Variants in DCDC2 observed in about 807,000 individuals in gnomAD.
DCDC2 encodes the protein doublecortin domain-containing protein 2.
DCDC2 carries 40 observed loss-of-function variants against 50.2 expected under a neutral mutation model. That is an observed-to-expected ratio of 0.80 (90% CI 0.62 to 1.04). The LOEUF (loss-of-function observed/expected upper bound fraction) is 1.04. Ranked by LOEUF, DCDC2 falls within the 50% of genes least tolerant of loss-of-function variation. DCDC2 has a pLI of 0.00. For synonymous variants in DCDC2, 234 were observed against 210.6 expected, an observed-to-expected ratio of 1.11 and a Z score of -0.96; for missense variants, 570 against 581.9, an observed-to-expected ratio of 0.98 and a Z score of 0.21.
At chr6:24,212,094 C>A (rs147541599) in intron 7 of DCDC2, among the ~76,000 whole-genome samples, 1 of 152,096 alleles carries the variant, frequency 6.6e-6, no homozygotes, top group Admixed American at 6.5e-5. Context: ...GGAGCACAAA[C>A]CGTATTGTGA....
At chr6:24,224,332 G>C (rs753055255) in intron 7 of DCDC2, among the ~76,000 whole-genome samples, 3 of 152,146 alleles carry the variant, frequency 2.0e-5, no homozygotes, top group Non-Finnish European at 4.4e-5. Context: ...AGAGCCCTGC[G>C]CTTCAAAAGG....
At chr6:24,328,735 T>C (rs1342365187) in intron 2 of DCDC2, among the ~76,000 whole-genome samples, 1 of 152,204 alleles carries the variant, frequency 6.6e-6, no homozygotes, top group Non-Finnish European at 1.5e-5. Flanking sequence ...TATCATGCAA[T>C]ATTAATTGCA....
At chr6:24,183,113 A>C (rs1321835466) in intron 8 of DCDC2, among the ~76,000 whole-genome samples, 1 of 152,200 alleles carries the variant, frequency 6.6e-6, no homozygotes, top group Non-Finnish European at 1.5e-5. Context: ...CAGAGAGTAG[A>C]ATGCTGATTG....
intron 7 of DCDC2, among the ~76,000 whole-genome samples, chr6:24,253,255 T>TA (rs1368746744): frequency 2.6e-5 from 4 of 151,970 alleles, no homozygotes; most frequent in Non-Finnish European, 5.9e-5. Context: ...AAACTAATTA[T>TA]AAAAAAAGAA....
Position 24,174,715 on chromosome 6 carries a change from CTT to C in DCDC2, c.*13_*14del. On this transcript the variant is annotated 3_prime_UTR_variant, in exon 10 of 10. Coordinates refer to ENST00000378454, the MANE Select transcript of DCDC2 (RefSeq NM_016356.5). ...ATTTTTCTTGCGATCCATATACTCT[CTT>C]TTTAAAAATGTTCTAAGCCACGGCA... 1 of 1,580,210 alleles carries C rather than the reference CTT, an allele frequency of 6.3e-7. No homozygotes were observed. The highest frequency in any genetic ancestry group is 1.1e-5 in the South Asian group (1 of 90,136).
chr6:24,183,943 G>A (rs1446782580), intron 8 of DCDC2, among the ~76,000 whole-genome samples: 1 of 152,202 alleles, frequency 6.6e-6, no homozygotes, highest in African/African-American at 2.4e-5. Context: ...GGTGAGAAAG[G>A]CGGGGCAAAT....
At chr6:24,299,158 G>C (rs946963137) in intron 4 of DCDC2, among the ~76,000 whole-genome samples, 2 of 152,208 alleles carry the variant, frequency 1.3e-5, no homozygotes, top group Non-Finnish European at 2.9e-5. Flanking sequence ...TACGCAGCCA[G>C]GAAAATACTG....
chr6:24,284,174 T>A (rs746306717), intron 6 of DCDC2, among the ~76,000 whole-genome samples: 5 of 152,134 alleles, frequency 3.3e-5, no homozygotes, highest in Non-Finnish European at 5.9e-5. Flanking sequence ...AAAGAAGAGT[T>A]ATAATAGATG....
At chr6:24,235,010 A>T (rs1028025313) in intron 7 of DCDC2, among the ~76,000 whole-genome samples, 1 of 152,236 alleles carries the variant, frequency 6.6e-6, no homozygotes, top group African/African-American at 2.4e-5. Flanking sequence ...ACAAAATTCA[A>T]TTTAATAGGA....
chr6:24,310,387 C>T (rs909181928), intron 2 of DCDC2, among the ~76,000 whole-genome samples: 1 of 152,142 alleles, frequency 6.6e-6, no homozygotes, highest in South Asian at 2.1e-4. Context: ...ATACTAACTG[C>T]ATAACTGGAT....
At chr6:24,176,145 T>C (rs977622600) in intron 9 of DCDC2, among the ~76,000 whole-genome samples, 2 of 151,788 alleles carry the variant, frequency 1.3e-5, no homozygotes, top group East Asian at 3.9e-4. Context: ...AAAAAATATG[T>C]ATATATGGCC....
intron 2 of DCDC2, among the ~76,000 whole-genome samples, chr6:24,315,694 G>T (rs1759647996): frequency 6.6e-6 from 1 of 152,194 alleles, no homozygotes; most frequent in African/African-American, 2.4e-5. Flanking sequence ...TAGCTGGAGT[G>T]CAGTAGGGAG....
At chr6:24,358,914 A>ATTTATTATATATAT (rs1760557270), upstream of DCDC2, among the ~76,000 whole-genome samples, 1 of 35,978 alleles carries the variant, frequency 2.8e-5, no homozygotes, top group Non-Finnish European at 4.5e-5. Context: ...ATTATATATT[A>ATTTATTATATATAT]TATATATTAT....
intron 7 of DCDC2, among the ~76,000 whole-genome samples, chr6:24,250,401 T>A (rs1229022594): frequency 6.6e-6 from 1 of 152,210 alleles, no homozygotes; most frequent in Non-Finnish European, 1.5e-5. Flanking sequence ...AACAGAGCAC[T>A]AGGGTGGGCC....
chr6:24,302,074 C>G, intron 2 of DCDC2, 30 bp from the exon 3 acceptor site: 1 of 1,581,652 alleles, frequency 6.3e-7, no homozygotes, highest in Non-Finnish European at 8.6e-7. Flanking sequence ...AAAATATAAA[C>G]CACTAAGCTT....
intron 7 of DCDC2, among the ~76,000 whole-genome samples, chr6:24,247,369 T>C (rs939961096): frequency 6.6e-6 from 1 of 151,892 alleles, no homozygotes; most frequent in Non-Finnish European, 1.5e-5. Flanking sequence ...CAAATACCCA[T>C]AACTTGGGGG....
At chr6:24,200,215 C>T (rs1761553527) in intron 8 of DCDC2, among the ~76,000 whole-genome samples, 1 of 152,138 alleles carries the variant, frequency 6.6e-6, no homozygotes, top group African/African-American at 2.4e-5. Context: ...TTGTCAGATT[C>T]ACCAAGGTTG....
In DCDC2 at chr6:24,324,693, G is replaced by A. The variant is rs565098489; in HGVS notation, c.349-22649C>T. On this transcript the variant is annotated intron_variant, in intron 2 of 9. Transcript: ENST00000378454. ...GAGGATAGGAATTCAAAAACAGCCCGAATAATATAGTAGACCCTATCTCTA... is the reference window on the plus strand; with the variant it reads ...GAGGATAGGAATTCAAAAACAGCCCAAATAATATAGTAGACCCTATCTCTA... Among the ~76,000 whole-genome samples the A allele has an allele frequency of 2.9e-4, 44 of 152,010 alleles. 1 individual carries two copies. The highest frequency in any genetic ancestry group is 2.8e-4 in the Non-Finnish European group (19 of 68,010).
chr6:24,253,479 C>T (rs1401126759), intron 7 of DCDC2, among the ~76,000 whole-genome samples: 1 of 152,072 alleles, frequency 6.6e-6, no homozygotes, highest in Non-Finnish European at 1.5e-5. Context: ...CTGAGAAATG[C>T]ATTGTTAGGC....
Sources: gnomAD v4.1 joint callset for allele counts (sites outside exome capture counted in the v4.1 genomes callset) on GRCh38, gnomAD v4.1.1 for gene constraint, MANE v1.5 for transcripts, NCBI Gene and HGNC (gene_info 2026-07-23, HGNC 2026-07-21) for gene names.